Variants in LHFPL3 observed in about 807,000 individuals in gnomAD.
LHFPL3 encodes the protein LHFPL tetraspan subfamily member 3, also known as LHFPL tetraspan subfamily member 3 protein.
In LHFPL3, 5 loss-of-function variants were observed where a neutral mutation model predicts 19.3. That is an observed-to-expected ratio of 0.26 (90% confidence interval 0.14 to 0.54). The LOEUF (loss-of-function observed/expected upper bound fraction) is 0.54. Among genes scored for constraint, LHFPL3 ranks in the 20% least tolerant of loss-of-function variants. The pLI is 0.94. For synonymous variants in LHFPL3, 133 were observed against 126.2 expected (o/e 1.05, Z -0.36); for missense variants, 249 against 307.4 (o/e 0.81, Z 1.42).
intron 2 of LHFPL3, among the ~76,000 whole-genome samples, chr7:104,774,868 T>C (rs1185372295): frequency 1.3e-5 from 2 of 152,214 alleles, no homozygotes; most frequent in African/African-American, 2.4e-5. Context: ...AGTTTTAGCA[T>C]CTTTATACAT....
intron 2 of LHFPL3, among the ~76,000 whole-genome samples, chr7:104,765,315 A>G (rs1794439005): frequency 2.6e-5 from 4 of 152,238 alleles, no homozygotes; most frequent in Admixed American, 2.0e-4. Context: ...GTAAGAATAG[A>G]TAACTTTCTT....
intron 2 of LHFPL3, among the ~76,000 whole-genome samples, chr7:104,839,624 G>A (rs138842156): frequency 0.02 from 2,996 of 152,070 alleles, 115 homozygotes; most frequent in African/African-American, 0.065. Flanking sequence ...AGCCAAGATC[G>A]TGCCACTGCA....
At chr7:104,340,912 G>A (rs1291763610) in intron 1 of LHFPL3, among the ~76,000 whole-genome samples, 1 of 152,128 alleles carries the variant, frequency 6.6e-6, no homozygotes, top group African/African-American at 2.4e-5. Context: ...AAAAAAGGAA[G>A]CCATGTTTTG....
chr7:104,710,585 AT>A (rs1793283919), intron 1 of LHFPL3, among the ~76,000 whole-genome samples: 1 of 152,138 alleles, frequency 6.6e-6, no homozygotes, highest in Admixed American at 6.5e-5. Flanking sequence ...CGAGGCATCA[AT>A]CCTGACACCT....
chr7:104,841,355 C>A, intron 2 of LHFPL3, among the ~76,000 whole-genome samples: 1 of 152,056 alleles, frequency 6.6e-6, no homozygotes, highest in Non-Finnish European at 1.5e-5. Flanking sequence ...TGCATAAAGC[C>A]CATCTTCACC....
intron 2 of LHFPL3, among the ~76,000 whole-genome samples, chr7:104,809,722 T>G (rs1790429595): frequency 6.6e-6 from 1 of 152,216 alleles, no homozygotes; most frequent in Admixed American, 6.5e-5. Flanking sequence ...AAGAGAAGAC[T>G]CTTACCCATA....
chr7:104,772,186 A>G (rs1017433663), intron 2 of LHFPL3, among the ~76,000 whole-genome samples: 1 of 152,134 alleles, frequency 6.6e-6, no homozygotes, highest in Non-Finnish European at 1.5e-5. Flanking sequence ...ATAACTGCTT[A>G]TATTCATGGT....
At chr7:104,468,093 A>C (rs921400642) in intron 1 of LHFPL3, among the ~76,000 whole-genome samples, 2 of 152,254 alleles carry the variant, frequency 1.3e-5, no homozygotes, top group Admixed American at 6.5e-5. Context: ...CTAGAAGAGC[A>C]GAAGTTATCT....
intron 1 of LHFPL3, among the ~76,000 whole-genome samples, chr7:104,476,294 G>A (rs1229128279): frequency 1.3e-5 from 2 of 152,084 alleles, no homozygotes; most frequent in Admixed American, 1.3e-4. Flanking sequence ...AAAGAATTGG[G>A]GAATTAGATT....
At chr7:104,735,164 A>G (rs1023469101) in intron 1 of LHFPL3, among the ~76,000 whole-genome samples, 2 of 152,234 alleles carry the variant, frequency 1.3e-5, no homozygotes, top group African/African-American at 4.8e-5. Flanking sequence ...CTCAGGAGTG[A>G]GGGACCCACT....
intron 1 of LHFPL3, among the ~76,000 whole-genome samples, chr7:104,500,887 C>T (rs1385011440): frequency 6.6e-6 from 1 of 152,228 alleles, no homozygotes. Flanking sequence ...TTTCAAATGC[C>T]TTCTCATCCT....
chr7:104,530,638 T>C (rs1164486480), intron 1 of LHFPL3, among the ~76,000 whole-genome samples: 1 of 152,232 alleles, frequency 6.6e-6, no homozygotes, highest in African/African-American at 2.4e-5. Context: ...TTAACAGTTG[T>C]GTGACTCGGA....
intron 2 of LHFPL3, among the ~76,000 whole-genome samples, chr7:104,904,292 T>G (rs1792552693): frequency 6.6e-6 from 1 of 152,182 alleles, no homozygotes; most frequent in African/African-American, 2.4e-5. Flanking sequence ...AACAGAATGA[T>G]CCAGAGGATT....
intron 1 of LHFPL3, among the ~76,000 whole-genome samples, chr7:104,359,770 T>C (rs1175163867): frequency 1.3e-5 from 2 of 152,268 alleles, no homozygotes; most frequent in Non-Finnish European, 2.9e-5. Flanking sequence ...ATTTAAAAAG[T>C]GGCCAGCACA....
In LHFPL3 at chr7:104,512,268, C is replaced by T. The variant is rs182948822; in HGVS notation, c.445+183044C>T. Among the ~76,000 whole-genome samples the T allele has an allele frequency of 9.2e-5, 14 of 151,768 alleles. No individual in the cohort carries two copies. In the East Asian group the frequency reaches 2.7e-3, roughly 30 times the overall value. On this transcript the variant is annotated intron_variant, in intron 1 of 2. Transcript: ENST00000424859. ...CAGCATCTGGCCCCAACAGTGATTTCTTTATAGAGTATTTTAAACAAGGGT... is the reference window on the plus strand; with the variant it reads ...CAGCATCTGGCCCCAACAGTGATTTTTTTATAGAGTATTTTAAACAAGGGT...
chr7:104,442,960 C>T (rs1792255552), intron 1 of LHFPL3, among the ~76,000 whole-genome samples: 1 of 152,154 alleles, frequency 6.6e-6, no homozygotes, highest in Non-Finnish European at 1.5e-5. Flanking sequence ...TGGAGGTATC[C>T]TTTGGTATGA....
At chr7:104,422,899 T>C (rs757205209) in intron 1 of LHFPL3, among the ~76,000 whole-genome samples, 3 of 152,152 alleles carry the variant, frequency 2.0e-5, no homozygotes, top group Non-Finnish European at 4.4e-5. Context: ...TCAGAGGCTA[T>C]TGGGAGAGAT....
intron 2 of LHFPL3, among the ~76,000 whole-genome samples, chr7:104,861,154 T>C (rs1319681531): frequency 6.6e-6 from 1 of 152,194 alleles, no homozygotes; most frequent in African/African-American, 2.4e-5. Flanking sequence ...ATATTAGTTG[T>C]ATTAGATTGT....
At chr7:104,782,945 C>T (rs551527434) in intron 2 of LHFPL3, among the ~76,000 whole-genome samples, 29 of 152,386 alleles carry the variant, frequency 1.9e-4, no homozygotes, top group African/African-American at 3.6e-4. Context: ...AGTGCGCACG[C>T]GCGCACACAC....
Sources: allele counts gnomAD v4.1 joint callset (sites outside exome capture counted in the v4.1 genomes callset), GRCh38; gene constraint gnomAD v4.1.1; transcripts MANE v1.5; gene names NCBI Gene and HGNC (gene_info 2026-07-23, HGNC 2026-07-21).